APOBEC3D: variants seen among roughly 807,000 people sequenced by gnomAD.
APOBEC3D encodes apolipoprotein B mRNA editing enzyme catalytic subunit 3D.
APOBEC3D carries 37 observed loss-of-function variants against 45.6 expected under a neutral mutation model. That is an observed-to-expected ratio of 0.81 (90% CI 0.62 to 1.07). APOBEC3D has a LOEUF of 1.07. Among genes scored for constraint, APOBEC3D ranks in the 50% least tolerant of loss-of-function variants. APOBEC3D has a pLI of 0.00. For missense variants in APOBEC3D, 496 were observed against 495.3 expected, an observed-to-expected ratio of 1.00 and a Z score of -0.01; for synonymous variants, 175 against 180.7, an observed-to-expected ratio of 0.97 and a Z score of 0.25.
intron 4 of APOBEC3D, among the ~76,000 whole-genome samples, chr22:39,027,971 G>A (rs1925847462): frequency 6.6e-6 from 1 of 152,236 alleles, no homozygotes; most frequent in African/African-American, 2.4e-5. Flanking sequence ...CAGGAACTGG[G>A]AGAATTGAAC....
chr22:39,022,983 T>C lies in APOBEC3D; in HGVS notation c.179T>C (p.Leu60Pro), dbSNP rs199787435. ...ACAGGGGTCTTTCGAGGCCCGGTAC[T>C]ACCCAAACGTCAGTCGAATCACAGG... Reference protein sequence around the residue: ...WDTGVFRGPVLPKRQSNHRQE... With the variant: ...WDTGVFRGPVPPKRQSNHRQE... The change falls in exon 2 of 7, where the codon CTA becomes CCA. Residue 60 changes from leucine to proline, a missense_variant. By Grantham distance (98) the Leu-to-Pro change is moderately conservative. Coordinates refer to ENST00000216099, the MANE Select transcript of APOBEC3D (RefSeq NM_152426.4). 363 of 1,606,988 alleles carry C rather than the reference T, an allele frequency of 2.3e-4. 1 individual carries two copies. Among genetic ancestry groups the C allele is most frequent in the Middle Eastern group, 2.2e-3 (13 of 6,012 alleles).
rs756532818 is a variant in APOBEC3D at position 39,025,280 on chromosome 22, A to G, written c.421A>G (p.Arg141Gly). 76 of 1,613,762 alleles carry G rather than the reference A, an allele frequency of 4.7e-5. No homozygotes were observed. In the Admixed American group the frequency reaches 1.3e-3, roughly 27 times the overall value. The part of the protein sequence containing the change: ...SAARLYYYRD[R>G]DWRWVLLRLH... ...CGCCCGCCTCTACTACTACCGGGAT[A>G]GAGATTGGCGGTGGGTGCTCCTCAG... The change falls in exon 3 of 7, where the codon AGA becomes GGA. Residue 141 changes from arginine (R) to glycine (G), a missense_variant. Coordinates refer to ENST00000216099, the MANE Select transcript of APOBEC3D (RefSeq NM_152426.4).
chr22:39,022,254 A>T (rs866816949), intron 1 of APOBEC3D, among the ~76,000 whole-genome samples: 12 of 152,192 alleles, frequency 7.9e-5, no homozygotes, highest in African/African-American at 2.9e-4. Flanking sequence ...CCCTGCTCCA[A>T]CTGTCCCCAG....
chr22:39,025,735 C>G lies in APOBEC3D; in HGVS notation c.605+64C>G, dbSNP rs937427421. ...CGCCTCCTGCTCATCCTCCTGAGGACTCCCCTGGCTGGGCCCTCCTGCCCT... is the reference window on the plus strand; with the variant it reads ...CGCCTCCTGCTCATCCTCCTGAGGAGTCCCCTGGCTGGGCCCTCCTGCCCT... On this transcript the variant is annotated intron_variant, in intron 4 of 6. Coordinates refer to ENST00000216099, the MANE Select transcript of APOBEC3D (RefSeq NM_152426.4). 7 of 1,609,776 alleles carry G rather than the reference C, an allele frequency of 4.3e-6. No individual in the cohort carries two copies. The African/African-American group carries it at 8.0e-5, about 18-fold the overall frequency.
chr22:39,030,893 C>T (rs534569734), intron 5 of APOBEC3D, among the ~76,000 whole-genome samples: 8 of 152,168 alleles, frequency 5.3e-5, no homozygotes, highest in Non-Finnish European at 1.0e-4. Flanking sequence ...CACGCCTGTA[C>T]GCAGTAGCTC....
At chr22:39,030,555 T>A (rs1339317094) in intron 5 of APOBEC3D, among the ~76,000 whole-genome samples, 1 of 152,142 alleles carries the variant, frequency 6.6e-6, no homozygotes, top group Non-Finnish European at 1.5e-5. Context: ...ATGAGAGAGT[T>A]AAAGTTTGTC....
intron 4 of APOBEC3D, among the ~76,000 whole-genome samples, chr22:39,026,316 T>C (rs985904405): frequency 1.3e-5 from 2 of 152,186 alleles, no homozygotes; most frequent in Non-Finnish European, 2.9e-5. Flanking sequence ...CTGGGGTCTC[T>C]CTGCCTCTAA....
chr22:39,029,585 T>C, intron 5 of APOBEC3D, 66 bp downstream of exon 5: 2 of 1,586,376 alleles, frequency 1.3e-6, no homozygotes, highest in Non-Finnish European at 1.7e-6. Flanking sequence ...GAAAACACAA[T>C]ACGTGACGTG....
chr22:39,025,842 C>T (rs1416392322), intron 4 of APOBEC3D, among the ~76,000 whole-genome samples, 171 bp downstream of exon 4: 1 of 152,008 alleles, frequency 6.6e-6, no homozygotes, highest in Non-Finnish European at 1.5e-5. Flanking sequence ...GTGCCTCCCC[C>T]CTGCTTTCCT....
At position 39,032,252 on chromosome 22, in the gene APOBEC3D, C is replaced by T; in HGVS notation, c.1097C>T (p.Pro366Leu). Residue 366 changes from proline to leucine, a missense_variant, in exon 7 of 7, where the codon CCT (proline) becomes CTT (leucine). Coordinates refer to ENST00000216099, the MANE Select transcript of APOBEC3D (RefSeq NM_152426.4). ...FVYSDDEPFK[P>L]WKGLQTNFRL... Reference sequence around the variant, plus strand: ...TACAGTGATGATGAGCCATTCAAGCCTTGGAAGGGACTACAAACCAACTTT... The same window carrying T: ...TACAGTGATGATGAGCCATTCAAGCTTTGGAAGGGACTACAAACCAACTTT... The T allele has an allele frequency of 1.2e-6, 2 of 1,614,166 alleles. No homozygotes were observed. The highest frequency in any genetic ancestry group is 1.7e-6 in the Non-Finnish European group (2 of 1,180,010).
At position 39,032,759 on chromosome 22, in the gene APOBEC3D, ATTTTTTTTT is replaced by A. The variant is rs59018660; in HGVS notation, c.*462_*470del. The A allele has an allele frequency of 1.4e-4, 13 of 96,216 alleles. No homozygotes were observed. Among genetic ancestry groups the A allele is most frequent in the Non-Finnish European group, 1.6e-4 (9 of 56,224 alleles). The allele number at this position is 96,216 out of a possible 1,614,324, so 6.0% of individuals were successfully genotyped here. On this transcript the variant is annotated 3_prime_UTR_variant, in exon 7 of 7. Transcript: ENST00000216099. ...AGATGCCTGCCACCACGCCCAGCTA[ATTTTTTTTT>A]TTTTTTTTTTTTTTTTTTGTATTTT...
chr22:39,022,884 T>C lies in APOBEC3D; in HGVS notation c.80T>C (p.Leu27Pro). ...FYDNFENEPI[L>P]YGRSYTWLCY... ...GACAACTTTGAAAACGAACCCATCC[T>C]CTATGGTCGGAGCTACACTTGGCTG... The change falls in exon 2 of 7, where the codon CTC (leucine) becomes CCC (proline). Residue 27 changes from leucine to proline, a missense_variant. Leu to Pro is a moderately conservative substitution (Grantham distance 98). Coordinates refer to ENST00000216099, the MANE Select transcript of APOBEC3D (RefSeq NM_152426.4). The C allele has an allele frequency of 6.2e-7, 1 of 1,613,254 alleles. No homozygotes were observed. The highest frequency in any genetic ancestry group is 8.5e-7 in the Non-Finnish European group (1 of 1,179,928).
At chr22:39,032,146 C>A in intron 6 of APOBEC3D, 52 bp from the exon 7 acceptor site, 1 of 1,603,142 alleles carries the variant, frequency 6.2e-7, no homozygotes, top group Non-Finnish European at 8.5e-7. Flanking sequence ...GGCCCAGGGC[C>A]GGGAGAGAGG....
At position 39,025,540 on chromosome 22, in the gene APOBEC3D, C is replaced by T; in HGVS notation, c.491-17C>T. On this transcript the variant is annotated splice_polypyrimidine_tract_variant and intron_variant, in intron 3 of 6. Coordinates refer to ENST00000216099, the MANE Select transcript of APOBEC3D (RefSeq NM_152426.4). ...GGTCAGGGGAGAGCCTGAGTGCTTCCCACCTCTTCATCTCAGACTTTGCAT... is the reference window on the plus strand; with the variant it reads ...GGTCAGGGGAGAGCCTGAGTGCTTCTCACCTCTTCATCTCAGACTTTGCAT... 3 of 1,614,062 alleles carry T rather than the reference C, an allele frequency of 1.9e-6. No individual in the cohort carries two copies. The highest frequency in any genetic ancestry group is 2.5e-6 in the Non-Finnish European group (3 of 1,179,994).
chr22:39,027,401 G>T (rs1053586308), intron 4 of APOBEC3D, among the ~76,000 whole-genome samples: 7 of 152,140 alleles, frequency 4.6e-5, no homozygotes, highest in Admixed American at 1.3e-4. Context: ...ATAGCTACCG[G>T]GTGGGGGGCG....
chr22:39,031,796 T>C lies in APOBEC3D; in HGVS notation c.865T>C (p.Ser289Pro). 6.2e-7 allele frequency: 1 copy of C among 1,614,016 alleles called. No individual in the cohort carries two copies. Residue 289 changes from serine (S) to proline (P), a missense_variant, in exon 6 of 7, where the codon TCT (serine) becomes CCT (proline). Coordinates refer to ENST00000216099, the MANE Select transcript of APOBEC3D (RefSeq NM_152426.4). ...NTNYEVTWYT[S>P]WSPCPECAGE... ...AAACTACGAGGTCACCTGGTACACA[T>C]CTTGGAGCCCTTGCCCAGAGTGTGC...
At chr22:39,023,109 A>ATTTATTTATTTATTTATTTATTTG in intron 2 of APOBEC3D, 95 bp downstream of exon 2, 1 of 285,540 alleles carries the variant, frequency 3.5e-6, no homozygotes, top group Non-Finnish European at 4.7e-6. Flanking sequence ...TATTTTTTCT[A>ATTTATTTATTTATTTATTTATTTG]TTTATTTATT....
chr22:39,030,517 T>A lies in APOBEC3D; in HGVS notation c.762+998T>A, dbSNP rs541820881. ...TAGCTCAATTATCTCACATAGGATT[T>A]CAACATATACTTAATATAAAATGCC... On this transcript the variant is annotated intron_variant, in intron 5 of 6. Transcript: ENST00000216099. 5.9e-5 allele frequency among the ~76,000 whole-genome samples: 9 copies of A among 152,300 alleles called. No individual in the cohort carries two copies. In the East Asian group the frequency reaches 1.7e-3, roughly 29 times the overall value.
At position 39,030,738 on chromosome 22, in the gene APOBEC3D, C is replaced by T. The variant is rs1926125981; in HGVS notation, c.763-956C>T. 1.3e-5 allele frequency among the ~76,000 whole-genome samples: 2 copies of T among 152,066 alleles called. 1 individual carries two copies. The highest frequency in any genetic ancestry group is 1.3e-4 in the Admixed American group (2 of 15,254). ...AGGCAGACAGGGGACAAGGCAGACC[C>T]CATAGGACCAGGCCACAGCAGGGGC... On this transcript the variant is annotated intron_variant, in intron 5 of 6. Transcript: ENST00000216099.
Sources: allele counts gnomAD v4.1 joint callset (sites outside exome capture counted in the v4.1 genomes callset), GRCh38; gene constraint gnomAD v4.1.1; transcripts MANE v1.5; gene names NCBI Gene and HGNC (gene_info 2026-07-23, HGNC 2026-07-21).